ACACA: variants seen among roughly 807,000 people sequenced by gnomAD.
ACACA encodes acetyl-CoA carboxylase alpha, also known as acetyl-CoA carboxylase 1.
A neutral mutation model predicts 296.1 loss-of-function variants in ACACA; 103 were observed. The observed-to-expected ratio is 0.35, with a 90% CI of 0.30 to 0.41. ACACA has a LOEUF of 0.41. ACACA is among the 10% of genes least tolerant of loss of function. The pLI is 1.00. For synonymous variants in ACACA, 953 were observed against 1,038.6 expected (o/e 0.92, Z 1.58); for missense variants, 1,554 against 2,989.7 (o/e 0.52, Z 11.20).
chr17:37,397,478 A>T (rs1470467829), intron 1 of ACACA, among the ~76,000 whole-genome samples: 1 of 152,152 alleles, frequency 6.6e-6, no homozygotes, highest in South Asian at 2.1e-4. Context: ...GAAGAGAATG[A>T]AGTAAGCTTT....
chr17:37,283,215 T>C, intron 5 of ACACA, 52 bp downstream of exon 5: 1 of 1,609,514 alleles, frequency 6.2e-7, no homozygotes, highest in Non-Finnish European at 8.5e-7. Flanking sequence ...AAGGCTGTGC[T>C]GTTCCATGTT....
chr17:37,332,221 A>T (rs977251572), intron 2 of ACACA, among the ~76,000 whole-genome samples: 12 of 143,188 alleles, frequency 8.4e-5, no homozygotes, highest in Admixed American at 4.9e-4. Context: ...AGTATAATTT[A>T]AAAAAAAAAA....
intron 32 of ACACA, among the ~76,000 whole-genome samples, chr17:37,206,152 C>T (rs930235317): frequency 1.3e-5 from 2 of 151,592 alleles, no homozygotes; most frequent in Non-Finnish European, 2.9e-5. Flanking sequence ...CACTATGTCT[C>T]ACCTTTTTTA....
intron 1 of ACACA, chr17:37,358,872 T>C (rs1482304551): frequency 4.6e-6 from 4 of 868,550 alleles, no homozygotes; most frequent in Non-Finnish European, 4.1e-6. Context: ...ATCTGGATAG[T>C]GTGGAGCCCA....
intron 52 of ACACA, among the ~76,000 whole-genome samples, chr17:37,103,239 T>G (rs1347283272): frequency 1.3e-5 from 2 of 152,192 alleles, no homozygotes; most frequent in Non-Finnish European, 2.9e-5. Flanking sequence ...AATTTAAAAG[T>G]GGCGTCTATA....
intron 35 of ACACA, among the ~76,000 whole-genome samples, chr17:37,199,696 T>C (rs1054436663): frequency 3.9e-5 from 6 of 152,184 alleles, no homozygotes; most frequent in African/African-American, 1.4e-4. Flanking sequence ...TGGCTGTCCT[T>C]GATTATTGAT....
At chr17:37,363,492 T>A (rs1251163309) in intron 1 of ACACA, among the ~76,000 whole-genome samples, 1 of 151,994 alleles carries the variant, frequency 6.6e-6, no homozygotes, top group African/African-American at 2.4e-5. Context: ...ACTTTTTCTT[T>A]TTTTAAAGCA....
At chr17:37,198,164 G>GT (rs374062515) in intron 35 of ACACA, among the ~76,000 whole-genome samples, 1 of 152,188 alleles carries the variant, frequency 6.6e-6, no homozygotes, top group East Asian at 1.9e-4. Flanking sequence ...ATAAGAAAGG[G>GT]TTTTTTTATG....
Position 37,085,486 on chromosome 17 carries a change from A to C in ACACA, c.*1830T>G. The C allele has an allele frequency of 1.0e-5, 4 of 397,798 alleles. No homozygotes were observed. The highest frequency in any genetic ancestry group is 1.8e-5 in the Non-Finnish European group (4 of 226,026). The allele number at this position is 397,798 out of a possible 1,614,324, so 24.6% of individuals were successfully genotyped here. A position where few individuals can be genotyped will look rare whatever the true frequency, so the allele number is the denominator to read the frequency against. On this transcript the variant is annotated 3_prime_UTR_variant, in exon 56 of 56. Coordinates refer to ENST00000616317, the MANE Select transcript of ACACA (RefSeq NM_198834.3). Reference sequence around the variant, plus strand: ...TGTGGGATTTGATTTATTGCAAAAAAGCATAGAAGAATAATCTGGTCAAAA... The same window carrying C: ...TGTGGGATTTGATTTATTGCAAAAACGCATAGAAGAATAATCTGGTCAAAA...
intron 38 of ACACA, among the ~76,000 whole-genome samples, chr17:37,190,711 A>T (rs1207547887): frequency 6.6e-6 from 1 of 152,204 alleles, no homozygotes; most frequent in Non-Finnish European, 1.5e-5. Context: ...CAGGTGATTA[A>T]CATTTAGTGC....
chr17:37,380,469 C>A (rs2050198764), intron 1 of ACACA, among the ~76,000 whole-genome samples: 1 of 152,086 alleles, frequency 6.6e-6, no homozygotes, highest in Admixed American at 6.6e-5. Context: ...TCCCCTTGGG[C>A]AAATCTACGT....
intron 11 of ACACA, among the ~76,000 whole-genome samples, chr17:37,262,439 T>C (rs1273035794): frequency 1.3e-5 from 2 of 152,142 alleles, no homozygotes; most frequent in East Asian, 3.9e-4. Flanking sequence ...AAGATGACAA[T>C]GTCCAAGAGC....
chr17:37,254,080 T>A (rs1053278617), intron 14 of ACACA, among the ~76,000 whole-genome samples: 3 of 152,062 alleles, frequency 2.0e-5, no homozygotes, highest in Non-Finnish European at 4.4e-5. Flanking sequence ...CTTCCACAAA[T>A]ACTAATTATG....
chr17:37,310,793 CAAAAA>C lies in ACACA; in HGVS notation c.338+19375_338+19379del, dbSNP rs74268026. 9.9e-5 allele frequency among the ~76,000 whole-genome samples: 5 copies of C among 50,528 alleles called. No individual in the cohort carries two copies. The East Asian group carries it at 2.2e-3, about 22-fold the overall frequency. The allele number at this position is 50,528 out of a possible 152,430, so 33.1% of individuals were successfully genotyped here. A position where few individuals can be genotyped will look rare whatever the true frequency, so the allele number is the denominator to read the frequency against. ...TGGGCAACAGAGCGAGACACCATCTCAAAAAAAAAAAAAAAAAAAAAGAAAGAAAA... is the reference window on the plus strand; with the variant it reads ...TGGGCAACAGAGCGAGACACCATCTCAAAAAAAAAAAAAAAAGAAAGAAAA... On this transcript the variant is annotated intron_variant, in intron 3 of 55. Coordinates refer to ENST00000616317, the MANE Select transcript of ACACA (RefSeq NM_198834.3).
chr17:37,159,633 C>T (rs2076386272), intron 42 of ACACA, among the ~76,000 whole-genome samples: 1 of 152,138 alleles, frequency 6.6e-6, no homozygotes, highest in Non-Finnish European at 1.5e-5. Flanking sequence ...GGATCAATTC[C>T]CATACTTTAA....
At chr17:37,244,506 AC>A in intron 21 of ACACA, 81 bp downstream of exon 21, 2 of 1,546,968 alleles carry the variant, frequency 1.3e-6, no homozygotes, top group East Asian at 2.2e-5. Context: ...TCCCTCTTAA[AC>A]AATCATTATG....
chr17:37,273,300 TTAAAC>T (rs993897424), intron 9 of ACACA, among the ~76,000 whole-genome samples: 1 of 152,172 alleles, frequency 6.6e-6, no homozygotes, highest in African/African-American at 2.4e-5. Context: ...AACCAACACT[TTAAAC>T]TATTTATAAA....
intron 29 of ACACA, chr17:37,221,370 G>T: frequency 1.2e-5 from 4 of 327,832 alleles, no homozygotes; most frequent in Non-Finnish European, 1.7e-5. Context: ...GTATTTTTTT[G>T]GTCTAATTGC....
At position 37,230,082 on chromosome 17, in the gene ACACA, A is replaced by AAATT. The variant is rs1555607638; in HGVS notation, c.3247-3631_3247-3630insAATT. Reference sequence around the variant, plus strand: ...GTCTCAAAATAAAATAAAATAAAATAAAATTAAAATAAATAAATAAGGCCG... The same window carrying AAATT: ...GTCTCAAAATAAAATAAAATAAAATAAATTAAATTAAAATAAATAAATAAGGCCG... On this transcript the variant is annotated intron_variant, in intron 25 of 55. Transcript: ENST00000616317. Among the ~76,000 whole-genome samples, 4 of 150,922 alleles carry AAATT rather than the reference A, an allele frequency of 2.7e-5. No individual in the cohort carries two copies. The South Asian group carries it at 6.3e-4, about 24-fold the overall frequency.
Sources: gnomAD v4.1 joint callset for allele counts (sites outside exome capture counted in the v4.1 genomes callset) on GRCh38, gnomAD v4.1.1 for gene constraint, MANE v1.5 for transcripts, NCBI Gene and HGNC (gene_info 2026-07-23, HGNC 2026-07-21) for gene names.